Variants in CNOT10 observed in about 807,000 individuals in gnomAD.
The protein encoded by CNOT10 is CCR4-NOT transcription complex, subunit 10.
Under a neutral mutation model 94.6 loss-of-function variants are expected in CNOT10, and 30 were observed. That is an observed-to-expected ratio of 0.32 (90% CI 0.24 to 0.43). The LOEUF (loss-of-function observed/expected upper bound fraction) is 0.43. Among genes scored for constraint, CNOT10 ranks in the 20% least tolerant of loss-of-function variants. CNOT10 has a pLI of 1.00. For missense variants in CNOT10, 759 were observed against 877.2 expected (o/e 0.87, Z 1.70); for synonymous variants, 289 against 301.6 (o/e 0.96, Z 0.43).
intron 10 of CNOT10, 69 bp from the exon 11 acceptor site, chr3:32,733,354 A>T: frequency 6.8e-6 from 7 of 1,029,960 alleles, no homozygotes; most frequent in Middle Eastern, 3.2e-4. Context: ...TGTGAGAGAT[A>T]TTCCCTCATT....
At chr3:32,754,801 C>T (rs1700150153) in intron 13 of CNOT10, among the ~76,000 whole-genome samples, 1 of 149,504 alleles carries the variant, frequency 6.7e-6, no homozygotes, top group African/African-American at 2.5e-5. Context: ...GGATTACAGG[C>T]ATGAGCCACC....
intron 13 of CNOT10, among the ~76,000 whole-genome samples, chr3:32,743,232 C>A (rs1234576843): frequency 1.3e-5 from 2 of 152,052 alleles, no homozygotes; most frequent in Non-Finnish European, 1.5e-5. Flanking sequence ...GGTGATCCAT[C>A]CGCCTTAGCT....
intron 5 of CNOT10, among the ~76,000 whole-genome samples, chr3:32,714,960 T>C (rs1174064548): frequency 6.6e-6 from 1 of 152,246 alleles, no homozygotes; most frequent in Non-Finnish European, 1.5e-5. Context: ...CATCTGGCAT[T>C]ACTTTTTTCA....
intron 18 of CNOT10, among the ~76,000 whole-genome samples, chr3:32,771,552 G>A (rs1302285235): frequency 6.6e-6 from 1 of 151,974 alleles, no homozygotes; most frequent in African/African-American, 2.4e-5. Flanking sequence ...AGTGAGCCGA[G>A]ACACACCACT....
chr3:32,711,033 C>T (rs907711579), intron 4 of CNOT10, among the ~76,000 whole-genome samples: 1 of 152,176 alleles, frequency 6.6e-6, no homozygotes, highest in African/African-American at 2.4e-5. Context: ...TCAGATTCTT[C>T]ATACAACATA....
At chr3:32,728,759 T>G (rs946925072) in intron 10 of CNOT10, among the ~76,000 whole-genome samples, 7 of 152,180 alleles carry the variant, frequency 4.6e-5, no homozygotes, top group Non-Finnish European at 1.0e-4. Context: ...GGGGTCAGGA[T>G]ACATGCATCT....
chr3:32,761,991 C>T (rs1452466886), intron 14 of CNOT10, among the ~76,000 whole-genome samples: 2 of 150,840 alleles, frequency 1.3e-5, no homozygotes, highest in Non-Finnish European at 3.0e-5. Context: ...AGGCTGGTCT[C>T]GAACTCCCGA....
chr3:32,714,854 G>A (rs376710876), intron 5 of CNOT10, among the ~76,000 whole-genome samples: 68 of 152,182 alleles, frequency 4.5e-4, no homozygotes, highest in African/African-American at 1.4e-3. Context: ...TCTTACTTCC[G>A]TTTTCTGTCC....
At position 32,734,860 on chromosome 3, in the gene CNOT10, A is replaced by G; in HGVS notation, c.1398A>G (p.Arg466=). ...ASMEFAAICL[R]NALLLLPEEQ... is the part of the protein sequence containing the mutation. ...TGGAGTTTGCAGCCATATGTCTCAG[A>G]AATGCCTTGTTGCTGCTACCTGAAG... Residue 466 remains arginine, a synonymous_variant, in exon 12 of 19, where the codon AGA becomes AGG. Coordinates refer to ENST00000328834, the MANE Select transcript of CNOT10 (RefSeq NM_015442.3). 1 of 1,614,124 alleles carries G rather than the reference A, an allele frequency of 6.2e-7. No individual in the cohort carries two copies. Among genetic ancestry groups the G allele is most frequent in the Non-Finnish European group, 8.5e-7 (1 of 1,179,994 alleles).
intron 18 of CNOT10, 42 bp downstream of exon 18, chr3:32,770,004 G>A (rs1417735138): frequency 2.6e-6 from 4 of 1,530,292 alleles, no homozygotes; most frequent in African/African-American, 1.4e-5. Context: ...CCTTGAAAGA[G>A]CCTGAGATTT....
At chr3:32,698,347 G>C (rs894020077) in intron 1 of CNOT10, among the ~76,000 whole-genome samples, 28 of 152,208 alleles carry the variant, frequency 1.8e-4, no homozygotes, top group African/African-American at 6.7e-4. Context: ...CAGCAGATAA[G>C]TTCTTAGATG....
intron 4 of CNOT10, among the ~76,000 whole-genome samples, chr3:32,710,186 C>T (rs1697820668): frequency 6.9e-6 from 1 of 145,936 alleles, no homozygotes; most frequent in Non-Finnish European, 1.5e-5. Flanking sequence ...TTCCTGAATT[C>T]ATGAAATCCT....
chr3:32,744,264 G>A (rs1265028225), intron 13 of CNOT10, among the ~76,000 whole-genome samples: 1 of 152,044 alleles, frequency 6.6e-6, no homozygotes, highest in African/African-American at 2.4e-5. Flanking sequence ...AACTCTTTTA[G>A]ATTATTGAAA....
In CNOT10 at chr3:32,762,802, C is replaced by T. The variant is rs1286633031; in HGVS notation, c.1779C>T (p.His593=). 1.3e-6 allele frequency: 2 copies of T among 1,586,722 alleles called. No homozygotes were observed. Among genetic ancestry groups the T allele is most frequent in the East Asian group, 4.6e-5 (2 of 43,350 alleles). The part of the protein sequence containing the change: ...SLDRISDAIT[H]LNPENVTDVS... ...ACAGAATATCTGATGCCATTACTCACTTGAACCCGGAGAATGTCACTGATG... is the reference window on the plus strand; with the variant it reads ...ACAGAATATCTGATGCCATTACTCATTTGAACCCGGAGAATGTCACTGATG... Residue 593 remains histidine (H), a synonymous_variant, in exon 15 of 19, where the codon CAC becomes CAT. Coordinates refer to ENST00000328834, the MANE Select transcript of CNOT10 (RefSeq NM_015442.3).
chr3:32,715,998 G>A, intron 5 of CNOT10: 2 of 366,238 alleles, frequency 5.5e-6, no homozygotes, highest in Non-Finnish European at 9.9e-6. Flanking sequence ...GTAGAGATGC[G>A]ATTTTGCCAT....
chr3:32,759,624 C>T (rs1700360853), intron 14 of CNOT10, 53 bp downstream of exon 14: 1 of 1,325,902 alleles, frequency 7.5e-7, no homozygotes. Flanking sequence ...TGAGGTTTCT[C>T]CTTGGTTTGT....
intron 1 of CNOT10, 91 bp downstream of exon 1, chr3:32,685,573 A>C (rs900077149): frequency 1.4e-6 from 2 of 1,392,368 alleles, no homozygotes; most frequent in Non-Finnish European, 2.0e-6. Flanking sequence ...CGGGGTGGGG[A>C]CTCCAGGGCG....
chr3:32,772,105 C>T (rs62251892), intron 18 of CNOT10, among the ~76,000 whole-genome samples: 3,513 of 152,272 alleles, frequency 0.023, 51 homozygotes, highest in Non-Finnish European at 0.037. Context: ...AATCCCAACA[C>T]TTTGGGAGGC....
chr3:32,759,756 T>A (rs1205100836), intron 14 of CNOT10, among the ~76,000 whole-genome samples, 185 bp downstream of exon 14: 1 of 152,182 alleles, frequency 6.6e-6, no homozygotes, highest in Non-Finnish European at 1.5e-5. Flanking sequence ...TGTGCTGTAC[T>A]GAGCGTTAGG....
Sources: allele counts gnomAD v4.1 joint callset (sites outside exome capture counted in the v4.1 genomes callset), GRCh38; gene constraint gnomAD v4.1.1; transcripts MANE v1.5; gene names NCBI Gene and HGNC (gene_info 2026-07-23, HGNC 2026-07-21).